The following USP18 variants were observed in gnomAD, a reference collection of about 807,000 sequenced individuals.
USP18 encodes the protein ubiquitin specific peptidase 18.
A neutral mutation model predicts 48.7 loss-of-function variants in USP18; 11 were observed. The observed-to-expected ratio is 0.23, with a 90% CI of 0.14 to 0.37. USP18 has a LOEUF of 0.37. USP18 is among the 10% of genes least tolerant of loss of function. USP18 has a pLI of 1.00. For missense variants in USP18, 285 were observed against 436.4 expected, an observed-to-expected ratio of 0.65 and a Z score of 3.09; for synonymous variants, 114 against 163.2, an observed-to-expected ratio of 0.70 and a Z score of 2.30.
At position 18,155,753 on chromosome 22, in the gene USP18, G is replaced by A. The variant is rs546598928; in HGVS notation, c.-106-1805G>A. ...GGGCTCGGGACCTGTAGCCCGCCATGCCTGAGCCTCCCCACCCCGCAGCCA... is the reference window on the plus strand; with the variant it reads ...GGGCTCGGGACCTGTAGCCCGCCATACCTGAGCCTCCCCACCCCGCAGCCA... On this transcript the variant is annotated intron_variant, in intron 1 of 10. Coordinates refer to ENST00000215794, the MANE Select transcript of USP18 (RefSeq NM_017414.4). Among the ~76,000 whole-genome samples the A allele has an allele frequency of 4.5e-4, 68 of 152,348 alleles. 1 individual carries two copies. The highest frequency in any genetic ancestry group is 4.2e-3 in the Admixed American group (65 of 15,310).
Position 18,155,378 on chromosome 22 carries a change from C to T in USP18, c.-106-2180C>T, listed in dbSNP as rs565192448. Reference sequence around the variant, plus strand: ...CAGCGTGCTGGCAGCCATCACAGCCCTCGCTCGCTCTCGGTGCCTCCTCGG... The same window carrying T: ...CAGCGTGCTGGCAGCCATCACAGCCTTCGCTCGCTCTCGGTGCCTCCTCGG... On this transcript the variant is annotated intron_variant, in intron 1 of 10. Coordinates refer to ENST00000215794, the MANE Select transcript of USP18 (RefSeq NM_017414.4). Among the ~76,000 whole-genome samples, 11 of 152,350 alleles carry T rather than the reference C, an allele frequency of 7.2e-5. No homozygotes were observed. The East Asian group carries it at 1.5e-3, about 21-fold the overall frequency.
chr22:18,164,337 G>C (rs1194257716), intron 4 of USP18, among the ~76,000 whole-genome samples: 3 of 151,916 alleles, frequency 2.0e-5, no homozygotes, highest in Non-Finnish European at 4.4e-5. Flanking sequence ...ACTGGGCCTG[G>C]GGGGATGTTC....
chr22:18,155,219 C>G (rs1236449613), intron 1 of USP18, among the ~76,000 whole-genome samples: 1 of 152,234 alleles, frequency 6.6e-6, no homozygotes, highest in Non-Finnish European at 1.5e-5. Flanking sequence ...GTCCCTGTTA[C>G]TGGGGCTGTG....
chr22:18,155,907 G>A (rs1437615352), intron 1 of USP18, among the ~76,000 whole-genome samples: 1 of 152,276 alleles, frequency 6.6e-6, no homozygotes, highest in Admixed American at 6.5e-5. Context: ...AGCTCCACCT[G>A]CGGCCCAGGT....
rs554602530 is a variant in USP18 at position 18,150,666 on chromosome 22, A to G, written c.-107+444A>G. 2.0e-5 allele frequency among the ~76,000 whole-genome samples: 3 copies of G among 152,382 alleles called. No homozygotes were observed. In the South Asian group the frequency reaches 6.2e-4, roughly 32 times the overall value. On this transcript the variant is annotated intron_variant, in intron 1 of 10. Coordinates refer to ENST00000215794, the MANE Select transcript of USP18 (RefSeq NM_017414.4). Reference sequence around the variant, plus strand: ...TAGATGTGTTAATGGCATTAAAAATAAAACAAAAAACTGATTCGGCCGGGT... The same window carrying G: ...TAGATGTGTTAATGGCATTAAAAATGAAACAAAAAACTGATTCGGCCGGGT...
At chr22:18,172,784 C>G (rs1281499419) in intron 8 of USP18, among the ~76,000 whole-genome samples, 1 of 150,644 alleles carries the variant, frequency 6.6e-6, no homozygotes. Context: ...CTACAAAAGA[C>G]TTTTTTGGCT....
At chr22:18,172,511 T>C (rs180770563) in intron 8 of USP18, among the ~76,000 whole-genome samples, 2 of 152,082 alleles carry the variant, frequency 1.3e-5, no homozygotes, top group East Asian at 3.8e-4. Context: ...TTGAGTTCCT[T>C]TTAGATTTCC....
Position 18,157,686 on chromosome 22 carries a change from T to G in USP18, c.23T>G (p.Leu8Arg). 1 of 1,614,128 alleles carries G rather than the reference T, an allele frequency of 6.2e-7. No homozygotes were observed. Among genetic ancestry groups the G allele is most frequent in the Non-Finnish European group, 8.5e-7 (1 of 1,180,000 alleles). Residue 8 changes from leucine (L) to arginine (R), a missense_variant, in exon 2 of 11, where the codon CTG (leucine) becomes CGG (arginine). This residue lies in a region of USP18 where 199 missense variants were observed against 239.6 expected (regional missense o/e 0.83). Coordinates refer to ENST00000215794, the MANE Select transcript of USP18 (RefSeq NM_017414.4). MSKAFGL[L>R]RQICQSILAE... Reference sequence around the variant, plus strand: ...CGAATGAGCAAGGCGTTTGGGCTCCTGAGGCAAATCTGTCAGTCCATCCTG... The same window carrying G: ...CGAATGAGCAAGGCGTTTGGGCTCCGGAGGCAAATCTGTCAGTCCATCCTG...
intron 1 of USP18, among the ~76,000 whole-genome samples, chr22:18,155,557 C>T (rs573560068): frequency 1.3e-4 from 20 of 152,288 alleles, no homozygotes; most frequent in Middle Eastern, 6.8e-3. Flanking sequence ...GGGCTGCACG[C>T]GGTGCTTGTG....
Position 18,175,851 on chromosome 22 carries a change from C to A in USP18, c.1074-921C>A, listed in dbSNP as rs1929771757. 1.3e-5 allele frequency among the ~76,000 whole-genome samples: 2 copies of A among 150,262 alleles called. 1 individual carries two copies. Among genetic ancestry groups the A allele is most frequent in the African/African-American group, 5.1e-5 (2 of 39,582 alleles). The stretch of plus-strand genomic sequence containing the variant: ...TATTATAGCTAGGCATGGTGGTACA[C>A]ATCCATAGTCCTAGCTACTCAGGAA... On this transcript the variant is annotated intron_variant, in intron 10 of 10. Transcript: ENST00000215794.
chr22:18,155,602 C>A (rs1354623356), intron 1 of USP18, among the ~76,000 whole-genome samples: 1 of 152,048 alleles, frequency 6.6e-6, no homozygotes, highest in Non-Finnish European at 1.5e-5. Context: ...GTGGGCTCGG[C>A]GGGCCCGCAC....
intron 10 of USP18, among the ~76,000 whole-genome samples, chr22:18,174,599 T>C (rs2123744365): frequency 6.6e-6 from 1 of 152,254 alleles, no homozygotes; most frequent in African/African-American, 2.4e-5. Flanking sequence ...AATTTAATTT[T>C]ATTTTTAGAG....
At chr22:18,150,619 C>T (rs5993012) in intron 1 of USP18, among the ~76,000 whole-genome samples, 4,468 of 152,274 alleles carry the variant, frequency 0.029, 208 homozygotes, top group African/African-American at 0.1. Context: ...ATATTATGGA[C>T]ATCTTTTCAT....
intron 7 of USP18, among the ~76,000 whole-genome samples, 196 bp from the exon 8 acceptor site, chr22:18,170,557 G>A (rs1929602071): frequency 6.7e-6 from 1 of 150,258 alleles, no homozygotes; most frequent in East Asian, 1.9e-4. Flanking sequence ...TCTTGTGGGG[G>A]GCCACATGGT....
intron 2 of USP18, among the ~76,000 whole-genome samples, chr22:18,159,029 T>C (rs9618222): frequency 0.018 from 2,783 of 152,348 alleles, 89 homozygotes; most frequent in African/African-American, 0.063. Flanking sequence ...TAATGGACTA[T>C]ATTAAAACTT....
chr22:18,152,390 C>A (rs1929022359), intron 1 of USP18, among the ~76,000 whole-genome samples: 1 of 151,516 alleles, frequency 6.6e-6, no homozygotes, highest in Admixed American at 6.6e-5. Flanking sequence ...TGGGCCAGTT[C>A]CTTCCGTTGC....
intron 1 of USP18, among the ~76,000 whole-genome samples, chr22:18,153,467 C>A (rs1274374576): frequency 6.7e-6 from 1 of 150,240 alleles, no homozygotes; most frequent in African/African-American, 2.5e-5. Flanking sequence ...CCCTGTTGCC[C>A]AGGCTGGAGT....
In USP18 at chr22:18,157,543, A is replaced by C; in HGVS notation, c.-106-15A>C. ...CCTTCTCTAATTCTTGCCTACCCGC[A>C]TTGTATTTTCACAGAGATTCCATCG... On this transcript the variant is annotated splice_polypyrimidine_tract_variant and intron_variant, in intron 1 of 10. Coordinates refer to ENST00000215794, the MANE Select transcript of USP18 (RefSeq NM_017414.4). 1 of 1,321,480 alleles carries C rather than the reference A, an allele frequency of 7.6e-7. No homozygotes were observed. Among genetic ancestry groups the C allele is most frequent in the East Asian group, 2.3e-5 (1 of 43,098 alleles). 81.9% of individuals were successfully genotyped at this position (1,321,480 alleles called of 1,614,324 possible).
At chr22:18,152,650 G>A (rs922568501) in intron 1 of USP18, among the ~76,000 whole-genome samples, 3 of 151,928 alleles carry the variant, frequency 2.0e-5, no homozygotes, top group Non-Finnish European at 4.4e-5. Flanking sequence ...TTCTCTGGTG[G>A]ATGCTTATTG....
Sources: gnomAD v4.1 joint callset for allele counts (sites outside exome capture counted in the v4.1 genomes callset) on GRCh38, gnomAD v4.1.1 for gene constraint, gnomAD v4.1.1 regional missense constraint, MANE v1.5 for transcripts, NCBI Gene and HGNC (gene_info 2026-07-23, HGNC 2026-07-21) for gene names.